Variants in TIAM1 observed in about 807,000 individuals in gnomAD.
The protein encoded by TIAM1 is TIAM Rac1 associated GEF 1.
In TIAM1, 65 loss-of-function variants were observed where a neutral mutation model predicts 163.5. That is an observed-to-expected ratio of 0.40 (90% CI 0.33 to 0.49). The LOEUF (loss-of-function observed/expected upper bound fraction) is 0.49, where lower values mean the gene tolerates loss of function less well. Among genes scored for constraint, TIAM1 ranks in the 20% least tolerant of loss-of-function variants. The pLI is 0.77. For synonymous variants in TIAM1, 833 were observed against 810.1 expected, an observed-to-expected ratio of 1.03 and a Z score of -0.48; for missense variants, 1,789 against 2,044.7, an observed-to-expected ratio of 0.87 and a Z score of 2.41.
At chr21:31,217,730 G>A (rs780593674) in intron 8 of TIAM1, 31 bp from the exon 9 acceptor site, 4 of 1,609,272 alleles carry the variant, frequency 2.5e-6, no homozygotes, top group Admixed American at 3.3e-5. Flanking sequence ...CAGCCACAAG[G>A]GAGATGCATC....
At chr21:31,198,769 T>C (rs2086019776) in intron 12 of TIAM1, among the ~76,000 whole-genome samples, 2 of 152,248 alleles carry the variant, frequency 1.3e-5, no homozygotes, top group African/African-American at 2.4e-5. Flanking sequence ...ATTTTCATAA[T>C]ACTACTTCCT....
rs7282328 is a variant in TIAM1, at chr21:31,143,223, T to A, written c.3476-1719A>T. 2.0e-5 allele frequency among the ~76,000 whole-genome samples: 3 copies of A among 151,988 alleles called. No individual in the cohort carries two copies. The South Asian group carries it at 6.2e-4, about 31-fold the overall frequency. ...AACCAGTAAATGAACACAATCAACA[T>A]TGGAAAAAGCACATTCTTCACATTC... On this transcript the variant is annotated intron_variant, in intron 20 of 27. Transcript: ENST00000541036.
At chr21:31,357,858 T>C (rs930667624) in intron 2 of TIAM1, among the ~76,000 whole-genome samples, 2 of 152,242 alleles carry the variant, frequency 1.3e-5, no homozygotes, top group Admixed American at 1.3e-4. Context: ...TGCTCTGGTG[T>C]ACTTTCTTCA....
intron 2 of TIAM1, among the ~76,000 whole-genome samples, chr21:31,439,363 C>T (rs2044337481): frequency 6.6e-6 from 1 of 152,240 alleles, no homozygotes; most frequent in Non-Finnish European, 1.5e-5. Flanking sequence ...GATCTCGGCT[C>T]ACTGCAACCT....
chr21:31,341,907 G>T (rs988571740), intron 1 of TIAM1, among the ~76,000 whole-genome samples: 1 of 152,096 alleles, frequency 6.6e-6, no homozygotes, highest in African/African-American at 2.4e-5. Context: ...ATCGAAGTTG[G>T]TTCTTCCAAA....
intron 1 of TIAM1, among the ~76,000 whole-genome samples, chr21:31,518,536 C>A (rs1214523545): frequency 2.0e-5 from 3 of 152,186 alleles, no homozygotes; most frequent in Non-Finnish European, 4.4e-5. Context: ...ATCCACCCGC[C>A]TCAGCCTCCC....
At chr21:31,138,658 T>C (rs911889642) in intron 22 of TIAM1, among the ~76,000 whole-genome samples, 3 of 152,208 alleles carry the variant, frequency 2.0e-5, no homozygotes, top group African/African-American at 7.2e-5. Flanking sequence ...GCACAGACCA[T>C]CCTATTTCCC....
intron 27 of TIAM1, among the ~76,000 whole-genome samples, chr21:31,121,311 T>C (rs1252448179): frequency 1.3e-5 from 2 of 152,168 alleles, no homozygotes; most frequent in African/African-American, 4.8e-5. Context: ...TTAGCTGGAA[T>C]AGGTCTTTAG....
intron 12 of TIAM1, among the ~76,000 whole-genome samples, chr21:31,198,847 A>G (rs980535227): frequency 4.6e-5 from 7 of 152,216 alleles, no homozygotes; most frequent in South Asian, 2.1e-4. Flanking sequence ...ACTCAGTATC[A>G]TAAGACAGGC....
At chr21:31,503,083 T>C (rs2046899594) in intron 1 of TIAM1, among the ~76,000 whole-genome samples, 1 of 152,142 alleles carries the variant, frequency 6.6e-6, no homozygotes, top group South Asian at 2.1e-4. Flanking sequence ...TAATCCGCTA[T>C]TGTGTCTCCC....
At chr21:31,229,284 G>T (rs1197499289) in intron 6 of TIAM1, among the ~76,000 whole-genome samples, 1 of 151,986 alleles carries the variant, frequency 6.6e-6, no homozygotes, top group Non-Finnish European at 1.5e-5. Flanking sequence ...TATGACAGGG[G>T]TGTGTTCAGT....
intron 23 of TIAM1, among the ~76,000 whole-genome samples, chr21:31,131,842 G>A (rs1393211788): frequency 6.6e-6 from 1 of 152,226 alleles, no homozygotes; most frequent in African/African-American, 2.4e-5. Context: ...TGAATGGGAT[G>A]AGTGTCCTTA....
intron 1 of TIAM1, among the ~76,000 whole-genome samples, chr21:31,549,020 G>A (rs1219038377): frequency 1.3e-5 from 2 of 152,166 alleles, no homozygotes; most frequent in Non-Finnish European, 2.9e-5. Flanking sequence ...CCCAGCAAAA[G>A]TTTAACACCC....
chr21:31,512,729 C>T (rs1229208614), intron 1 of TIAM1, among the ~76,000 whole-genome samples: 4 of 151,754 alleles, frequency 2.6e-5, no homozygotes, highest in East Asian at 1.9e-4. Context: ...GCAATCCTCC[C>T]GCCTCAGACT....
intron 16 of TIAM1, among the ~76,000 whole-genome samples, chr21:31,162,315 G>GT (rs2083967195): frequency 6.6e-6 from 1 of 152,078 alleles, no homozygotes; most frequent in African/African-American, 2.4e-5. Flanking sequence ...CCTTAAATAA[G>GT]TATTACTTCT....
chr21:31,510,122 T>G (rs1168884253), intron 1 of TIAM1, among the ~76,000 whole-genome samples: 1 of 152,174 alleles, frequency 6.6e-6, no homozygotes, highest in Non-Finnish European at 1.5e-5. Flanking sequence ...TTGCTAGGCT[T>G]GCCATAACAA....
At chr21:31,219,997 C>G (rs1163307965) in intron 8 of TIAM1, among the ~76,000 whole-genome samples, 1 of 152,150 alleles carries the variant, frequency 6.6e-6, no homozygotes, top group Non-Finnish European at 1.5e-5. Flanking sequence ...GCTCACATGA[C>G]TATGTCAACA....
chr21:31,470,904 C>T (rs927122006), intron 1 of TIAM1, among the ~76,000 whole-genome samples: 1 of 152,138 alleles, frequency 6.6e-6, no homozygotes, highest in Non-Finnish European at 1.5e-5. Flanking sequence ...GAGGAAGGAC[C>T]AGCACCACCC....
At chr21:31,219,755 A>AAACG (rs541823065) in intron 8 of TIAM1, among the ~76,000 whole-genome samples, 8,419 of 152,182 alleles carry the variant, frequency 0.055, 808 homozygotes, top group African/African-American at 0.19. Flanking sequence ...AAAACAAAAA[A>AAACG]AAACCCCAGA....
Sources: gnomAD v4.1 joint callset for allele counts (sites outside exome capture counted in the v4.1 genomes callset) on GRCh38, gnomAD v4.1.1 for gene constraint, MANE v1.5 for transcripts, NCBI Gene and HGNC (gene_info 2026-07-23, HGNC 2026-07-21) for gene names.